HERC5: variants seen among roughly 807,000 people sequenced by gnomAD.
HERC5 encodes HECT and RLD domain containing E3 ubiquitin protein ligase 5.
Under a neutral mutation model 119.6 loss-of-function variants are expected in HERC5, and 99 were observed. The observed-to-expected ratio is 0.83, with a 90% confidence interval of 0.70 to 0.98. The LOEUF (loss-of-function observed/expected upper bound fraction) is 0.98. Ranked by LOEUF, HERC5 falls within the 50% of genes least tolerant of loss-of-function variation. HERC5 has a pLI of 0.00. For synonymous variants in HERC5, 478 were observed against 445.9 expected (o/e 1.07, Z -0.91); for missense variants, 1,267 against 1,241.3 (o/e 1.02, Z -0.31).
At chr4:88,467,035 A>G in intron 6 of HERC5, 24 bp from the exon 7 acceptor site, 3 of 1,611,868 alleles carry the variant, frequency 1.9e-6, no homozygotes, top group Non-Finnish European at 2.5e-6. Context: ...TTAAGAATTG[A>G]CCATATGTGC....
At chr4:88,478,616 ATAT>A (rs1741164970) in intron 12 of HERC5, among the ~76,000 whole-genome samples, 1 of 152,028 alleles carries the variant, frequency 6.6e-6, no homozygotes, top group African/African-American at 2.4e-5. Flanking sequence ...CTTTAAAAAA[ATAT>A]TTTTTTTTTT....
Position 88,475,940 on chromosome 4 carries a change from A to G in HERC5, c.1492A>G (p.Met498Val), listed in dbSNP as rs7699006. The change falls in exon 12 of 23, where the codon ATG becomes GTG. Residue 498 changes from methionine to valine, a missense_variant. By Grantham distance (21) the Met-to-Val change is conservative. Transcript: ENST00000264350. The stretch of plus-strand genomic sequence containing the variant: ...TTTCTTCCTTCTCCCAGAATGTCCT[A>G]TGATGCATATTTCCAACAACTGGGA... The part of the protein sequence containing the change: ...EIFFLLPECP[M>V]MHISNNWESL... 0.37 allele frequency: 599,989 copies of G among 1,613,262 alleles called. 124,974 individuals are homozygous for G. Among genetic ancestry groups the G allele is most frequent in the East Asian group, 0.78 (34,901 of 44,834 alleles).
At position 88,460,023 on chromosome 4, in the gene HERC5, A is replaced by T. The variant is rs1578462199; in HGVS notation, c.390-72A>T. ...TGAGCTTCATTTCTAATTAAATACT[A>T]TTAATAGTTCTAAAATCCATGTTGT... On this transcript the variant is annotated intron_variant, in intron 2 of 22. Transcript: ENST00000264350. 10 of 808,198 alleles carry T rather than the reference A, an allele frequency of 1.2e-5. No individual in the cohort carries two copies. In the East Asian group the frequency reaches 2.7e-4, roughly 22 times the overall value. 50.1% of individuals were successfully genotyped at this position (808,198 alleles called of 1,614,324 possible).
chr4:88,488,586 TTCTG>T lies in HERC5; in HGVS notation c.1963-564_1963-561del, dbSNP rs890084839. On this transcript the variant is annotated intron_variant, in intron 15 of 22. Coordinates refer to ENST00000264350, the MANE Select transcript of HERC5 (RefSeq NM_016323.4). ...TTGCCATTTGGTTTCAGAATGGACA[TTCTG>T]TCTGTCTGTCTGTCTCTCCCACTCT... 1.4e-4 allele frequency among the ~76,000 whole-genome samples: 21 copies of T among 152,152 alleles called. 1 individual carries two copies. In the Middle Eastern group the frequency reaches 0.01, roughly 74 times the overall value.
intron 6 of HERC5, 76 bp downstream of exon 6, chr4:88,464,061 CA>C (rs1352952377): frequency 2.3e-6 from 3 of 1,328,980 alleles, no homozygotes; most frequent in Non-Finnish European, 3.1e-6. Flanking sequence ...AAATTTCTTT[CA>C]GTTTCTTTGA....
chr4:88,485,717 T>A (rs1273276157), intron 13 of HERC5, among the ~76,000 whole-genome samples: 2 of 152,112 alleles, frequency 1.3e-5, no homozygotes, highest in Non-Finnish European at 2.9e-5. Flanking sequence ...TTCCTCTCGG[T>A]AGGGGAATGT....
intron 16 of HERC5, 88 bp downstream of exon 16, chr4:88,489,424 T>A: frequency 8.2e-7 from 1 of 1,223,308 alleles, no homozygotes; most frequent in Non-Finnish European, 1.1e-6. Context: ...GAGAGGAAGT[T>A]ATCTTCCTTT....
intron 10 of HERC5, among the ~76,000 whole-genome samples, chr4:88,470,879 A>C (rs925891889): frequency 5.9e-5 from 9 of 152,214 alleles, no homozygotes; most frequent in African/African-American, 2.2e-4. Flanking sequence ...TCCATCACTT[A>C]AGAGTAATAG....
chr4:88,481,506 T>C (rs536263388), intron 13 of HERC5, among the ~76,000 whole-genome samples: 1 of 152,204 alleles, frequency 6.6e-6, no homozygotes, highest in Non-Finnish European at 1.5e-5. Context: ...TTAATTTTAA[T>C]GTAGATAAAT....
chr4:88,493,559 C>A (rs1350619830), intron 17 of HERC5, among the ~76,000 whole-genome samples: 1 of 152,040 alleles, frequency 6.6e-6, no homozygotes. Flanking sequence ...CTTTTAGGAA[C>A]CAAAACTGTG....
chr4:88,503,795 G>A (rs1248587456), intron 20 of HERC5, among the ~76,000 whole-genome samples: 7 of 152,048 alleles, frequency 4.6e-5, no homozygotes, highest in South Asian at 4.1e-4. Context: ...GGCCAGGTGC[G>A]GTGGCTAACG....
chr4:88,466,955 T>C, intron 6 of HERC5, 104 bp from the exon 7 acceptor site: 2 of 1,112,066 alleles, frequency 1.8e-6, no homozygotes, highest in Non-Finnish European at 2.6e-6. Flanking sequence ...GATGTTTAGT[T>C]TCACTCTCAC....
At chr4:88,497,685 C>T (rs1161824486) in intron 18 of HERC5, among the ~76,000 whole-genome samples, 2 of 152,138 alleles carry the variant, frequency 1.3e-5, no homozygotes, top group Admixed American at 6.5e-5. Context: ...TTTGGAAATT[C>T]TCAGGCTGGC....
intron 18 of HERC5, among the ~76,000 whole-genome samples, chr4:88,499,585 C>T (rs1377451768): frequency 6.6e-6 from 1 of 152,262 alleles, no homozygotes; most frequent in South Asian, 2.1e-4. Flanking sequence ...TCAAAAGCTT[C>T]AATAAAGGTA....
Position 88,463,932 on chromosome 4 carries a change from C to T in HERC5, c.858C>T (p.Pro286=). Residue 286 remains proline, a synonymous_variant, in exon 6 of 23, where the codon CCC becomes CCT. Coordinates refer to ENST00000264350, the MANE Select transcript of HERC5 (RefSeq NM_016323.4). ...ATTCAACACAGAATGAGCTAAGACC[C>T]TGTTTGGTGGCTGAGCTTGTTGGGT... is the stretch of plus-strand genomic sequence containing the variant. The part of the protein sequence containing the change: ...GHNSTQNELR[P]CLVAELVGYR... 6.2e-7 allele frequency: 1 copy of T among 1,613,786 alleles called. No individual in the cohort carries two copies. Among genetic ancestry groups the T allele is most frequent in the Non-Finnish European group, 8.5e-7 (1 of 1,179,954 alleles).
intron 18 of HERC5, among the ~76,000 whole-genome samples, chr4:88,494,936 A>G (rs1159524822): frequency 6.6e-6 from 1 of 152,220 alleles, no homozygotes; most frequent in Admixed American, 6.5e-5. Context: ...TTGATGCTAT[A>G]TAGTATTAGC....
chr4:88,492,059 A>T (rs1202745767), intron 16 of HERC5, among the ~76,000 whole-genome samples: 1 of 152,072 alleles, frequency 6.6e-6, no homozygotes, highest in Non-Finnish European at 1.5e-5. Flanking sequence ...GCTGGAGAGC[A>T]GTGGTGCGAC....
intron 11 of HERC5, 77 bp from the exon 12 acceptor site, chr4:88,475,764 C>CT: frequency 8.3e-7 from 1 of 1,198,196 alleles, no homozygotes; most frequent in Non-Finnish European, 1.2e-6. Flanking sequence ...GCCTCTACAC[C>CT]TTGTTTTATT....
intron 6 of HERC5, 68 bp from the exon 7 acceptor site, chr4:88,466,991 C>G: frequency 4.0e-6 from 6 of 1,496,286 alleles, no homozygotes; most frequent in Non-Finnish European, 5.6e-6. Context: ...TGGCAATTTA[C>G]TGTATTGCTA....
Sources: gnomAD v4.1 joint callset for allele counts (sites outside exome capture counted in the v4.1 genomes callset) on GRCh38, gnomAD v4.1.1 for gene constraint, MANE v1.5 for transcripts, NCBI Gene and HGNC (gene_info 2026-07-23, HGNC 2026-07-21) for gene names.